ANKRD31: variants seen among roughly 807,000 people sequenced by gnomAD.
ANKRD31 encodes ankyrin repeat domain-containing protein 31.
In ANKRD31, 147 loss-of-function variants were observed where a neutral mutation model predicts 186.0. The ratio of observed to expected loss-of-function variants is 0.79; its 90% CI spans 0.69 to 0.91. The LOEUF (loss-of-function observed/expected upper bound fraction) is 0.91. ANKRD31 is among the 40% of genes least tolerant of loss of function. The pLI, the probability that ANKRD31 is intolerant of heterozygous loss-of-function variation, is 0.00. For synonymous variants in ANKRD31, 673 were observed against 736.4 expected, an observed-to-expected ratio of 0.91 and a Z score of 1.39; for missense variants, 1,986 against 2,148.8, an observed-to-expected ratio of 0.92 and a Z score of 1.50.
intron 10 of ANKRD31, among the ~76,000 whole-genome samples, chr5:75,173,524 T>A: frequency 6.6e-6 from 1 of 152,186 alleles, no homozygotes; most frequent in Non-Finnish European, 1.5e-5. Context: ...GATAAGCAAC[T>A]TCAGCAAAGT....
rs1050773647 is a variant in ANKRD31 at position 75,147,142 on chromosome 5, T to C, written c.2269A>G (p.Arg757Gly). The C allele has an allele frequency of 1.3e-6, 2 of 1,536,302 alleles. No individual in the cohort carries two copies. Among genetic ancestry groups the C allele is most frequent in the East Asian group, 2.4e-5 (1 of 40,880 alleles). ...PRKILAVSPS[R>G]RINRLVTYQQ... Reference sequence around the variant, plus strand: ...TAGGTAACCAATCTGTTTATTCTCCTGGAAGGAGAGACAGCTAGTATCTTT... The same window carrying C: ...TAGGTAACCAATCTGTTTATTCTCCCGGAAGGAGAGACAGCTAGTATCTTT... Residue 757 changes from arginine to glycine, a missense_variant, in exon 14 of 26, where the codon AGG becomes GGG. Transcript: ENST00000506364.
chr5:75,148,386 G>A (rs1021721133), intron 13 of ANKRD31, among the ~76,000 whole-genome samples, 190 bp downstream of exon 13: 3 of 151,756 alleles, frequency 2.0e-5, no homozygotes, highest in African/African-American at 4.8e-5. Flanking sequence ...ATATATTAGC[G>A]TGCCCAGATA....
intron 22 of ANKRD31, among the ~76,000 whole-genome samples, chr5:75,103,405 T>C (rs899028355): frequency 2.6e-5 from 4 of 152,216 alleles, no homozygotes; most frequent in African/African-American, 7.2e-5. Flanking sequence ...TTGGTGGGAA[T>C]GTAAATTAGT....
At chr5:75,172,473 A>G (rs1241294449) in intron 10 of ANKRD31, among the ~76,000 whole-genome samples, 1 of 152,090 alleles carries the variant, frequency 6.6e-6, no homozygotes, top group Non-Finnish European at 1.5e-5. Flanking sequence ...AAGATCAACA[A>G]AATTGATACA....
intron 10 of ANKRD31, among the ~76,000 whole-genome samples, chr5:75,183,432 G>GA (rs1561514463): frequency 7.9e-5 from 12 of 151,862 alleles, no homozygotes; most frequent in Admixed American, 7.2e-4. Context: ...TTAGGCAAAA[G>GA]AAAAAAATAA....
At chr5:75,129,862 A>G (rs980338271) in intron 17 of ANKRD31, among the ~76,000 whole-genome samples, 4 of 152,210 alleles carry the variant, frequency 2.6e-5, no homozygotes, top group African/African-American at 4.8e-5. Flanking sequence ...GCAAGGGGTT[A>G]GGGAATTCCC....
chr5:75,181,614 C>T lies in ANKRD31; in HGVS notation c.1564+6879G>A, dbSNP rs546207987. ...GCGGATGAAGCTGGAAACCATCATT[C>T]TCAGCAAACTATCGCAAGGACAAAA... is the stretch of plus-strand genomic sequence containing the variant. On this transcript the variant is annotated intron_variant, in intron 10 of 25. Coordinates refer to ENST00000506364, the MANE Select transcript of ANKRD31 (RefSeq NM_001372053.1). 7.4e-4 allele frequency among the ~76,000 whole-genome samples: 112 copies of T among 151,750 alleles called. 3 individuals are homozygous for T. The South Asian group carries it at 0.023, about 31-fold the overall frequency.
chr5:75,235,366 A>C (rs1472307250), intron 1 of ANKRD31, among the ~76,000 whole-genome samples: 3 of 151,498 alleles, frequency 2.0e-5, no homozygotes, highest in Non-Finnish European at 4.4e-5. Context: ...ACTCCGAATG[A>C]ATATTTTTTA....
intron 19 of ANKRD31, 66 bp downstream of exon 19, chr5:75,116,500 T>G (rs562498025): frequency 4.1e-6 from 4 of 979,514 alleles, no homozygotes; most frequent in Non-Finnish European, 5.4e-6. Flanking sequence ...AGCCAATAAC[T>G]AACTGGCTGG....
chr5:75,230,954 T>C (rs917633672), intron 1 of ANKRD31, among the ~76,000 whole-genome samples: 8 of 152,178 alleles, frequency 5.3e-5, no homozygotes, highest in African/African-American at 1.2e-4. Context: ...ATGAGATCAT[T>C]TGAGGGACCA....
intron 25 of ANKRD31, among the ~76,000 whole-genome samples, chr5:75,078,950 T>C (rs1348906928): frequency 6.6e-6 from 1 of 152,224 alleles, no homozygotes; most frequent in East Asian, 1.9e-4. Context: ...AAAGGACTTG[T>C]AGAGATCATG....
intron 10 of ANKRD31, among the ~76,000 whole-genome samples, chr5:75,177,747 A>G (rs1300691030): frequency 1.3e-5 from 2 of 152,180 alleles, no homozygotes; most frequent in Non-Finnish European, 2.9e-5. Flanking sequence ...TAAACATGGA[A>G]AGGAACAACT....
rs1375840335 is a variant in ANKRD31 at position 75,188,522 on chromosome 5, C to T, written c.1535G>A (p.Gly512Asp). 5 of 1,535,966 alleles carry T rather than the reference C, an allele frequency of 3.3e-6. No individual in the cohort carries two copies. The highest frequency in any genetic ancestry group is 4.4e-6 in the Non-Finnish European group (5 of 1,146,482). ...ADLVHHCIKK[G>D]GNVNQPSYAG... is the part of the protein sequence containing the mutation. ...ATAACTTGGCTGATTAACATTTCCA[C>T]CTTTTTTTATACAATGATGAACAAG... Residue 512 changes from glycine to aspartate, a missense_variant, in exon 10 of 26, where the codon GGT (glycine) becomes GAT (aspartate). Transcript: ENST00000506364.
chr5:75,070,396 T>G lies in ANKRD31; in HGVS notation c.5648-1732A>C, dbSNP rs114000260. ...GTTATGATTTGAAAAACTTAATGCATCTACCATAATTTGTTTATAATTCAT... is the reference window on the plus strand; with the variant it reads ...GTTATGATTTGAAAAACTTAATGCAGCTACCATAATTTGTTTATAATTCAT... On this transcript the variant is annotated intron_variant, in intron 25 of 25. Coordinates refer to ENST00000506364, the MANE Select transcript of ANKRD31 (RefSeq NM_001372053.1). Among the ~76,000 whole-genome samples, 1,084 of 152,354 alleles carry G rather than the reference T, an allele frequency of 7.1e-3. 3 individuals carry two copies. The highest frequency in any genetic ancestry group is 0.011 in the Non-Finnish European group (775 of 68,024).
intron 11 of ANKRD31, among the ~76,000 whole-genome samples, chr5:75,157,877 G>A (rs917419255): frequency 3.3e-5 from 5 of 152,294 alleles, no homozygotes; most frequent in Non-Finnish European, 7.4e-5. Context: ...ATAGGTTAAT[G>A]AAACTACTCA....
intron 20 of ANKRD31, among the ~76,000 whole-genome samples, chr5:75,108,547 C>T (rs887278355): frequency 2.6e-5 from 4 of 152,022 alleles, no homozygotes; most frequent in African/African-American, 9.7e-5. Flanking sequence ...TAAAATTTTT[C>T]CTAATTTTTT....
At chr5:75,211,579 A>C (rs1756653193) in intron 3 of ANKRD31, among the ~76,000 whole-genome samples, 1 of 152,208 alleles carries the variant, frequency 6.6e-6, no homozygotes, top group Admixed American at 6.5e-5. Flanking sequence ...ACCATTTTCC[A>C]CAGCAGTTGC....
intron 23 of ANKRD31, among the ~76,000 whole-genome samples, chr5:75,090,299 T>C (rs1561408125): frequency 6.6e-6 from 1 of 152,076 alleles, no homozygotes; most frequent in Non-Finnish European, 1.5e-5. Flanking sequence ...ATATAGCAGA[T>C]AGAATCCAGA....
chr5:75,236,774 T>C lies in ANKRD31; in HGVS notation c.-88A>G. The C allele has an allele frequency of 2.0e-6, 2 of 1,019,302 alleles. No homozygotes were observed. Among genetic ancestry groups the C allele is most frequent in the South Asian group, 1.6e-5 (1 of 63,578 alleles). 63.1% of individuals were successfully genotyped at this position (1,019,302 alleles called of 1,614,324 possible). On this transcript the variant is annotated 5_prime_UTR_variant, in exon 1 of 26. Coordinates refer to ENST00000506364, the MANE Select transcript of ANKRD31 (RefSeq NM_001372053.1). Reference sequence around the variant, plus strand: ...AAACGCTTTGAGGGCCAGGGGAAATTGTGAATTAAAAATAAAAATAATATA... The same window carrying C: ...AAACGCTTTGAGGGCCAGGGGAAATCGTGAATTAAAAATAAAAATAATATA...
Sources: gnomAD v4.1 joint callset for allele counts (sites outside exome capture counted in the v4.1 genomes callset) on GRCh38, gnomAD v4.1.1 for gene constraint, MANE v1.5 for transcripts, NCBI Gene and HGNC (gene_info 2026-07-23, HGNC 2026-07-21) for gene names.